Variants in SMARCC1 observed in about 807,000 individuals in gnomAD.
SMARCC1 encodes the protein SWI/SNF related BAF chromatin remodeling complex subunit C1.
SMARCC1 carries 43 observed loss-of-function variants against 147.4 expected under a neutral mutation model. The ratio of observed to expected loss-of-function variants is 0.29; its 90% confidence interval spans 0.23 to 0.38. The LOEUF is 0.38. Among genes scored for constraint, SMARCC1 ranks in the 10% least tolerant of loss-of-function variants. The pLI is 1.00. For synonymous variants in SMARCC1, 495 were observed against 484.4 expected (o/e 1.02, Z -0.29); for missense variants, 1,119 against 1,381.1 (o/e 0.81, Z 3.01).
Position 47,673,407 on chromosome 3 carries a change from G to T in SMARCC1, c.1839+2068C>A, listed in dbSNP as rs867687405. ...TCTCAAAAAAAAAAGGGTGGGGGGGGGGCAGGCCAGTGGCTCAGGCCTGTA... is the reference window on the plus strand; with the variant it reads ...TCTCAAAAAAAAAAGGGTGGGGGGGTGGCAGGCCAGTGGCTCAGGCCTGTA... On this transcript the variant is annotated intron_variant, in intron 18 of 27. Transcript: ENST00000254480. 5.5e-3 allele frequency among the ~76,000 whole-genome samples: 667 copies of T among 121,644 alleles called. 68 individuals carry two copies. The highest frequency in any genetic ancestry group is 0.018 in the African/African-American group (639 of 35,638). The allele number at this position is 121,644 out of a possible 152,430, so 79.8% of individuals were successfully genotyped here. A position where few individuals can be genotyped will look rare whatever the true frequency, so the allele number is the denominator to read the frequency against.
intron 6 of SMARCC1, among the ~76,000 whole-genome samples, chr3:47,723,665 T>C (rs986519883): frequency 2.0e-4 from 30 of 151,954 alleles, no homozygotes; most frequent in African/African-American, 7.0e-4. Context: ...CTACAAAAAT[T>C]AGCTGGGCAT....
intron 2 of SMARCC1, among the ~76,000 whole-genome samples, chr3:47,757,281 A>G (rs927976329): frequency 2.0e-5 from 3 of 152,100 alleles, no homozygotes; most frequent in Admixed American, 1.3e-4. Context: ...AGAGAGAGAA[A>G]GACCAATGTG....
At chr3:47,704,437 T>C (rs1034529425) in intron 10 of SMARCC1, among the ~76,000 whole-genome samples, 8 of 152,204 alleles carry the variant, frequency 5.3e-5, no homozygotes, top group African/African-American at 1.7e-4. Context: ...GTATGCGTTA[T>C]ATTCAGAGTA....
At position 47,658,355 on chromosome 3, in the gene SMARCC1, C is replaced by T. The variant is rs75737039; in HGVS notation, c.2320+2939G>A. On this transcript the variant is annotated intron_variant, in intron 21 of 27. Coordinates refer to ENST00000254480, the MANE Select transcript of SMARCC1 (RefSeq NM_003074.4). ...ATTAAATTAAGTATATCAACAGATA[C>T]GTGCAACCATCCCCATGGTAAAACT... Among the ~76,000 whole-genome samples the T allele has an allele frequency of 3.9e-5, 6 of 152,318 alleles. No homozygotes were observed. The South Asian group carries it at 1.0e-3, about 26-fold the overall frequency.
intron 11 of SMARCC1, among the ~76,000 whole-genome samples, chr3:47,693,805 GGC>G (rs1376946414): frequency 6.6e-6 from 1 of 152,096 alleles, no homozygotes; most frequent in African/African-American, 2.4e-5. Context: ...TGGGACTATG[GGC>G]GCATGCCACC....
chr3:47,609,998 GC>G (rs2032539368), intron 26 of SMARCC1, 67 bp downstream of exon 26: 1 of 1,522,640 alleles, frequency 6.6e-7, no homozygotes. Context: ...TGTGTGGTTG[GC>G]CCCAATGATG....
intron 10 of SMARCC1, 117 bp downstream of exon 10, chr3:47,706,292 G>C (rs754794153): frequency 2.1e-6 from 2 of 940,146 alleles, no homozygotes; most frequent in Non-Finnish European, 2.9e-6. Context: ...GGCTGGATTT[G>C]AACTACTGAC....
intron 2 of SMARCC1, among the ~76,000 whole-genome samples, chr3:47,758,527 T>C (rs1433127027): frequency 6.6e-6 from 1 of 152,012 alleles, no homozygotes; most frequent in Non-Finnish European, 1.5e-5. Context: ...CAGGGTACCA[T>C]CTCAAAAAAA....
chr3:47,618,602 T>C (rs2032681148), intron 25 of SMARCC1, among the ~76,000 whole-genome samples: 1 of 152,052 alleles, frequency 6.6e-6, no homozygotes, highest in African/African-American at 2.4e-5. Flanking sequence ...TAAGTAGTTA[T>C]TTAAAAAATA....
chr3:47,741,793 G>A (rs1207089760), intron 3 of SMARCC1, among the ~76,000 whole-genome samples: 6 of 151,634 alleles, frequency 4.0e-5, no homozygotes, highest in African/African-American at 1.5e-4. Context: ...TGTTGCCCAG[G>A]TTAGTCTTGA....
chr3:47,776,397 T>G (rs1576439412), intron 1 of SMARCC1, among the ~76,000 whole-genome samples: 1 of 151,830 alleles, frequency 6.6e-6, no homozygotes, highest in South Asian at 2.1e-4. Context: ...AGGTCAGGAG[T>G]TTGAGACGAG....
chr3:47,766,442 T>G, intron 2 of SMARCC1, among the ~76,000 whole-genome samples: 1 of 150,938 alleles, frequency 6.6e-6, no homozygotes. Context: ...TAGTGGTGCA[T>G]GCTTGTCCCA....
intron 1 of SMARCC1, among the ~76,000 whole-genome samples, chr3:47,780,176 T>TG (rs1553693500): frequency 2.9e-5 from 4 of 138,246 alleles, no homozygotes; most frequent in South Asian, 2.4e-4. Context: ...TTGTTTTTTT[T>TG]TTTTTTTTTT....
At chr3:47,725,032 CAAAA>C (rs35548192) in intron 6 of SMARCC1, among the ~76,000 whole-genome samples, 19 of 31,640 alleles carry the variant, frequency 6.0e-4, no homozygotes, top group Non-Finnish European at 5.0e-4. Context: ...ACTGTCTCCA[CAAAA>C]AAAAAAAAAA....
chr3:47,607,914 A>G (rs2032502276), intron 26 of SMARCC1, among the ~76,000 whole-genome samples: 1 of 152,188 alleles, frequency 6.6e-6, no homozygotes, highest in African/African-American at 2.4e-5. Context: ...AGTATCTATG[A>G]TAGACTGAAA....
At chr3:47,744,411 T>C (rs1314191181) in intron 3 of SMARCC1, among the ~76,000 whole-genome samples, 3 of 152,046 alleles carry the variant, frequency 2.0e-5, no homozygotes, top group African/African-American at 7.2e-5. Context: ...TTAAACACCA[T>C]CCATATATAA....
chr3:47,728,270 T>C (rs1265620297), intron 6 of SMARCC1, among the ~76,000 whole-genome samples: 1 of 150,214 alleles, frequency 6.7e-6, no homozygotes, highest in Non-Finnish European at 1.5e-5. Context: ...GTATTTTTAG[T>C]AGAGATGGGG....
At chr3:47,680,826 C>T (rs1476093201) in intron 14 of SMARCC1, among the ~76,000 whole-genome samples, 2 of 151,952 alleles carry the variant, frequency 1.3e-5, no homozygotes, top group South Asian at 2.1e-4. Flanking sequence ...GGATTACAGG[C>T]GTGAGCCACC....
chr3:47,709,202 A>G (rs1241089437), intron 9 of SMARCC1, among the ~76,000 whole-genome samples: 2 of 151,860 alleles, frequency 1.3e-5, no homozygotes, highest in Non-Finnish European at 2.9e-5. Flanking sequence ...CAGACATTGC[A>G]TTCAGCCAAG....
Sources: allele counts gnomAD v4.1 joint callset (sites outside exome capture counted in the v4.1 genomes callset), GRCh38; gene constraint gnomAD v4.1.1; transcripts MANE v1.5; gene names NCBI Gene and HGNC (gene_info 2026-07-23, HGNC 2026-07-21).